Variants in FCRL4 observed in about 807,000 individuals in gnomAD.
FCRL4 encodes Fc receptor like 4.
A neutral mutation model predicts 64.1 loss-of-function variants in FCRL4; 43 were observed. The ratio of observed to expected loss-of-function variants is 0.67; its 90% CI spans 0.53 to 0.87. The LOEUF is 0.87. FCRL4 is among the 40% of genes least tolerant of loss of function. The pLI is 0.00. For synonymous variants in FCRL4, 253 were observed against 239.8 expected, an observed-to-expected ratio of 1.05 and a Z score of -0.51; for missense variants, 656 against 613.5, an observed-to-expected ratio of 1.07 and a Z score of -0.73.
rs754758448 is a variant in FCRL4 at position 157,597,904 on chromosome 1, C to A, written c.31+10G>T. The stretch of plus-strand genomic sequence containing the variant: ...TTGCAGCAAGCAAAGGTCTCCTCCC[C>A]ATCACTTACCAAAGGCCAGCAAGGA... On this transcript the variant is annotated intron_variant, in intron 1 of 11. Transcript: ENST00000271532. The A allele has an allele frequency of 6.2e-7, 1 of 1,612,332 alleles. No individual in the cohort carries two copies. Among genetic ancestry groups the A allele is most frequent in the Non-Finnish European group, 8.5e-7 (1 of 1,178,818 alleles).
At chr1:157,584,066 C>G (rs2101679237) in intron 6 of FCRL4, among the ~76,000 whole-genome samples, 1 of 152,268 alleles carries the variant, frequency 6.6e-6, no homozygotes, top group South Asian at 2.1e-4. Context: ...ATCTTAACCC[C>G]CAAAAGGAAG....
Position 157,580,368 on chromosome 1 carries a change from C to T in FCRL4, c.1250-20G>A, listed in dbSNP as rs371625304. ...CAACTCCTGCAAAATAAAGCAAAGA[C>T]GCATTTTTGTCAGCAGAGGGAGCTC... On this transcript the variant is annotated intron_variant, in intron 7 of 11. Coordinates refer to ENST00000271532, the MANE Select transcript of FCRL4 (RefSeq NM_031282.3). 7.2e-5 allele frequency: 117 copies of T among 1,613,914 alleles called. 1 individual carries two copies. Among genetic ancestry groups the T allele is most frequent in the Non-Finnish European group, 9.0e-5 (106 of 1,179,944 alleles).
intron 7 of FCRL4, 24 bp downstream of exon 7, chr1:157,581,507 T>C (rs1248595370): frequency 1.9e-6 from 3 of 1,600,206 alleles, no homozygotes; most frequent in Admixed American, 3.3e-5. Context: ...GGGCAGGAAC[T>C]GTGGCAAAGA....
At chr1:157,582,601 C>T (rs1652586720) in intron 6 of FCRL4, among the ~76,000 whole-genome samples, 1 of 152,196 alleles carries the variant, frequency 6.6e-6, no homozygotes, top group Admixed American at 6.5e-5. Flanking sequence ...AGTAGAACAA[C>T]AGCAACACTG....
chr1:157,585,238 T>TCTTTCCTTTC (rs10658593), intron 6 of FCRL4, among the ~76,000 whole-genome samples: 13 of 150,122 alleles, frequency 8.7e-5, no homozygotes, highest in Admixed American at 5.3e-4. Context: ...CTCTTTCCTT[T>TCTTTCCTTTC]CTTTCCTTTC....
chr1:157,580,060 T>C (rs1652525818), intron 8 of FCRL4, among the ~76,000 whole-genome samples: 1 of 152,258 alleles, frequency 6.6e-6, no homozygotes. Context: ...TATTCTGTAC[T>C]TTATAACCTT....
At chr1:157,594,616 A>G (rs1278350702) in intron 2 of FCRL4, among the ~76,000 whole-genome samples, 1 of 152,254 alleles carries the variant, frequency 6.6e-6, no homozygotes, top group Non-Finnish European at 1.5e-5. Flanking sequence ...TTTTAATAGA[A>G]TAAATTATTT....
At chr1:157,585,346 CT>C (rs36118714) in intron 6 of FCRL4, among the ~76,000 whole-genome samples, 7 of 29,966 alleles carry the variant, frequency 2.3e-4, no homozygotes, top group African/African-American at 5.9e-4. Context: ...TTCTCTCTCT[CT>C]TTCTTTCTTT....
chr1:157,573,995 T>A lies in FCRL4; in HGVS notation c.*1529A>T. The A allele has an allele frequency of 4.9e-6, 1 of 203,844 alleles. No homozygotes were observed. The allele number at this position is 203,844 out of a possible 1,614,324, so 12.6% of individuals were successfully genotyped here. ...GACATGTCTCGTCTCATTTAATTTA[T>A]ATGTCTTCTATTTTTCTTTTTCTCT... On this transcript the variant is annotated 3_prime_UTR_variant, in exon 12 of 12. Transcript: ENST00000271532.
intron 2 of FCRL4, among the ~76,000 whole-genome samples, chr1:157,594,631 C>T (rs1257016000): frequency 6.6e-6 from 1 of 152,080 alleles, no homozygotes; most frequent in Non-Finnish European, 1.5e-5. Context: ...TTATTTTCTC[C>T]TTGGAACCTT....
At chr1:157,587,190 A>C in intron 5 of FCRL4, 86 bp downstream of exon 5, 2 of 1,479,984 alleles carry the variant, frequency 1.4e-6, no homozygotes, top group Non-Finnish European at 1.8e-6. Flanking sequence ...GGATGATAAA[A>C]CCCATCTCTG....
rs1230110773 is a variant in FCRL4, at chr1:157,589,426, G to T, written c.85C>A (p.Pro29Thr). 5 of 1,614,056 alleles carry T rather than the reference G, an allele frequency of 3.1e-6. No homozygotes were observed. Among genetic ancestry groups the T allele is most frequent in the Non-Finnish European group, 4.2e-6 (5 of 1,180,010 alleles). ...CCTTTGAAGAATGTGGTCCATGGAG[G>T]ATGGACGGAAATCACAGGTTTGTGT... ...AAHKPVISVHPPWTTFFKGER... is the reference protein window; with the variant it reads ...AAHKPVISVHTPWTTFFKGER... The change falls in exon 3 of 12, where the codon CCT becomes ACT. Residue 29 changes from proline (P) to threonine (T), a missense_variant. Transcript: ENST00000271532.
In FCRL4 at chr1:157,588,059, C is replaced by T; in HGVS notation, c.368G>A (p.Cys123Tyr). Residue 123 changes from cysteine (C) to tyrosine (Y), a missense_variant, in exon 4 of 12, where the codon TGC (cysteine) becomes TAC (tyrosine). By Grantham distance (194) the Cys-to-Tyr change is radical. Transcript: ENST00000271532. ...VFEGDTLVLR[C>Y]HRRRKEKLTA... ...CAATTTCTCTTTCCTTCTTCTGTGG[C>T]ATCTCAGAACCAATGTGTCACCTTC... The T allele has an allele frequency of 6.2e-7, 1 of 1,613,548 alleles. No homozygotes were observed. The highest frequency in any genetic ancestry group is 8.5e-7 in the Non-Finnish European group (1 of 1,179,694).
rs576521453 is a variant in FCRL4, at chr1:157,586,404, G to T, written c.899C>A (p.Ala300Asp). 15 of 1,612,770 alleles carry T rather than the reference G, an allele frequency of 9.3e-6. No homozygotes were observed. The highest frequency in any genetic ancestry group is 1.2e-5 in the Non-Finnish European group (14 of 1,179,962). Residue 300 changes from alanine to aspartate, a missense_variant, in exon 6 of 12, where the codon GCT (alanine) becomes GAT (aspartate). Physicochemically the swap from Ala to Asp is moderately radical, Grantham distance 126. Transcript: ENST00000271532. ...AAGGACCAGCATCTCCCCTTCAACAGCCTGGCCCCCTGAGGGCTGGGTCTC... is the reference window on the plus strand; with the variant it reads ...AAGGACCAGCATCTCCCCTTCAACATCCTGGCCCCCTGAGGGCTGGGTCTC... ...LLETQPSGGQ[A>D]VEGEMLVLVC...
At chr1:157,585,256 T>C (rs895367436) in intron 6 of FCRL4, among the ~76,000 whole-genome samples, 32 of 151,976 alleles carry the variant, frequency 2.1e-4, no homozygotes, top group Non-Finnish European at 3.7e-4. Flanking sequence ...TTCCTTTCTT[T>C]CCTTTCTTTC....
Position 157,589,320 on chromosome 1 carries a change from C to A in FCRL4, c.191G>T (p.Gly64Val). ...TCCTGGGGTCAGGGTCAACTTTTCT[C>A]CCCAGTAGTGCCGATGATACCATGT... ...KTTWYHRHYWGEKLTLTPGNT... is the reference protein window; with the variant it reads ...KTTWYHRHYWVEKLTLTPGNT... Residue 64 changes from glycine to valine, a missense_variant, in exon 3 of 12, where the codon GGA becomes GTA. Physicochemically the swap from Gly to Val is moderately radical, Grantham distance 109. Coordinates refer to ENST00000271532, the MANE Select transcript of FCRL4 (RefSeq NM_031282.3). The A allele has an allele frequency of 6.2e-7, 1 of 1,614,188 alleles. No homozygotes were observed. Among genetic ancestry groups the A allele is most frequent in the Non-Finnish European group, 8.5e-7 (1 of 1,180,032 alleles).
chr1:157,574,594 T>G lies in FCRL4; in HGVS notation c.*930A>C, dbSNP rs1571132161. Reference sequence around the variant, plus strand: ...ACTAATTAGTAACTCAAAGACACAGTTCCTACAAGAAAAGCAACCTTATTT... The same window carrying G: ...ACTAATTAGTAACTCAAAGACACAGGTCCTACAAGAAAAGCAACCTTATTT... On this transcript the variant is annotated 3_prime_UTR_variant, in exon 12 of 12. Transcript: ENST00000271532. 1 of 207,660 alleles carries G rather than the reference T, an allele frequency of 4.8e-6. No individual in the cohort carries two copies. Among genetic ancestry groups the G allele is most frequent in the African/African-American group, 2.3e-5 (1 of 43,974 alleles). The allele number at this position is 207,660 out of a possible 1,614,324, so 12.9% of individuals were successfully genotyped here. A position where few individuals can be genotyped will look rare whatever the true frequency, so the allele number is the denominator to read the frequency against.
chr1:157,581,827 G>A (rs570033935), intron 6 of FCRL4, among the ~76,000 whole-genome samples, 183 bp from the exon 7 acceptor site: 2 of 152,340 alleles, frequency 1.3e-5, no homozygotes, highest in African/African-American at 4.8e-5. Context: ...CAGGGCCTGA[G>A]TGCAAGAGGA....
chr1:157,578,659 A>T, intron 9 of FCRL4, 111 bp downstream of exon 9: 1 of 1,391,390 alleles, frequency 7.2e-7, no homozygotes, highest in Non-Finnish European at 1.0e-6. Context: ...TTATCTGGGA[A>T]TATCTGGATT....
Sources: allele counts gnomAD v4.1 joint callset (sites outside exome capture counted in the v4.1 genomes callset), GRCh38; gene constraint gnomAD v4.1.1; transcripts MANE v1.5; gene names NCBI Gene and HGNC (gene_info 2026-07-23, HGNC 2026-07-21).